Variants in UNK observed in about 807,000 individuals in gnomAD.
The protein encoded by UNK is RING finger protein unkempt homolog.
A neutral mutation model predicts 97.6 loss-of-function variants in UNK; 32 were observed. That is an observed-to-expected ratio of 0.33 (90% CI 0.25 to 0.44). The LOEUF (loss-of-function observed/expected upper bound fraction) is 0.44, where lower values mean the gene tolerates loss of function less well. UNK is among the 20% of genes least tolerant of loss of function. The pLI is 1.00. For synonymous variants in UNK, 441 were observed against 461.2 expected, an observed-to-expected ratio of 0.96 and a Z score of 0.56; for missense variants, 771 against 1,098.4, an observed-to-expected ratio of 0.70 and a Z score of 4.21.
rs936294395 is a variant in UNK at position 75,824,039 on chromosome 17, G to A, written c.2278-223G>A. On this transcript the variant is annotated intron_variant, in intron 15 of 15. Transcript: ENST00000589666. The surrounding 1 kb of genome is among the most constrained non-coding windows in gnomAD (Gnocchi z 4.9). ...ATTACAAGGTCAAATGAGACTGGGC[G>A]AAGCCTCTCTGAGGGGTGGGTCTTG... Among the ~76,000 whole-genome samples the A allele has an allele frequency of 2.6e-5, 4 of 151,744 alleles. No individual in the cohort carries two copies. The highest frequency in any genetic ancestry group is 4.4e-5 in the Non-Finnish European group (3 of 68,010).
chr17:75,798,726 C>T (rs186460807), intron 1 of UNK, among the ~76,000 whole-genome samples: 57 of 151,668 alleles, frequency 3.8e-4, no homozygotes, highest in Middle Eastern at 6.8e-3. Flanking sequence ...TCTGTAGTGG[C>T]TGTGCATGGT....
chr17:75,804,180 G>C (rs961054187), intron 1 of UNK, among the ~76,000 whole-genome samples: 1 of 152,216 alleles, frequency 6.6e-6, no homozygotes. Flanking sequence ...CTGGGTGGGC[G>C]TGGTGGCTTA....
At position 75,810,001 on chromosome 17, in the gene UNK, C is replaced by T. The variant is rs369466434; in HGVS notation, c.314+32C>T. On this transcript the variant is annotated intron_variant, in intron 2 of 15. Coordinates refer to ENST00000589666, the MANE Select transcript of UNK (RefSeq NM_001080419.3). ...GACCCAGCCTGTCCTCAGAGGAGCC[C>T]CGTGTCTCCTTCTGGGTCAGATGCC... 2.0e-4 allele frequency: 328 copies of T among 1,609,732 alleles called. 2 individuals carry two copies. Among genetic ancestry groups the T allele is most frequent in the African/African-American group, 5.2e-4 (39 of 74,990 alleles).
At chr17:75,806,458 G>A (rs1262848268) in intron 1 of UNK, among the ~76,000 whole-genome samples, 9 of 140,406 alleles carry the variant, frequency 6.4e-5, no homozygotes, top group East Asian at 2.2e-4. Flanking sequence ...GGGAGACTCC[G>A]TCTCAAAAAA....
chr17:75,798,882 C>G (rs927747712), intron 1 of UNK, among the ~76,000 whole-genome samples: 1 of 151,718 alleles, frequency 6.6e-6, no homozygotes, highest in Non-Finnish European at 1.5e-5. Context: ...CTGGCTAACA[C>G]AGTGAAACCC....
rs763227592 is a variant in UNK, at chr17:75,816,787, G to A, written c.979G>A (p.Asp327Asn). The change falls in exon 8 of 16, where the codon GAC (aspartate) becomes AAC (asparagine). Residue 327 changes from aspartate (D) to asparagine (N), a missense_variant. Asp to Asn is a conservative substitution (Grantham distance 23). Transcript: ENST00000589666. This position sits in a 1 kb window ranked among gnomAD's most constrained non-coding sequence, Gnocchi z 4.0. ...AHVEQPPLSD[D>N]LQPSSAVSSP... ...TCTTGCAGAGCCACCCCTGAGTGACGACCTGCAGCCTTCCTCAGCTGTGTC... is the reference window on the plus strand; with the variant it reads ...TCTTGCAGAGCCACCCCTGAGTGACAACCTGCAGCCTTCCTCAGCTGTGTC... 5 of 1,604,132 alleles carry A rather than the reference G, an allele frequency of 3.1e-6. No individual in the cohort carries two copies. The highest frequency in any genetic ancestry group is 4.2e-6 in the Non-Finnish European group (5 of 1,179,476).
chr17:75,818,812 C>A lies in UNK; in HGVS notation c.1542C>A (p.Val514=). Residue 514 remains valine (V), a synonymous_variant, in exon 11 of 16, where the codon GTC becomes GTA. Transcript: ENST00000589666. This position sits in a 1 kb window ranked among gnomAD's most constrained non-coding sequence, Gnocchi z 5.1. ...CCACCAGCGACACGGTAGAGTCAGT[C>A]ATAGGTAACTAGGCCATTTCTGTTT... ...FYPTSDTVES[V]IESALDDLDL... is the part of the protein sequence containing the mutation. The A allele has an allele frequency of 1.3e-6, 2 of 1,599,808 alleles. No homozygotes were observed. Among genetic ancestry groups the A allele is most frequent in the East Asian group, 2.3e-5 (1 of 44,374 alleles).
intron 1 of UNK, among the ~76,000 whole-genome samples, chr17:75,798,118 T>TGGAG (rs1332633255): frequency 1.3e-5 from 2 of 151,114 alleles, no homozygotes; most frequent in African/African-American, 2.4e-5. Flanking sequence ...TCACCCAGGC[T>TGGAG]GGAGTGCAAT....
chr17:75,817,524 C>T lies in UNK; in HGVS notation c.1303C>T (p.Gln435Ter). 6.2e-7 allele frequency: 1 copy of T among 1,606,130 alleles called. No individual in the cohort carries two copies. Among genetic ancestry groups the T allele is most frequent in the Non-Finnish European group, 8.5e-7 (1 of 1,175,434 alleles). The change falls in exon 9 of 16, where the codon CAG (glutamine) becomes TAG (stop). Residue 435 changes from glutamine to a stop codon, truncating the protein, a stop_gained and splice_region_variant. Coordinates refer to ENST00000589666, the MANE Select transcript of UNK (RefSeq NM_001080419.3). LOFTEE classifies it high-confidence loss of function. This position sits in a 1 kb window ranked among gnomAD's most constrained non-coding sequence, Gnocchi z 5.8. ...GAEYLKNFKC[Q>*]AKLKPHSLEP... ...CGAGTACCTGAAAAATTTCAAATGC[C>T]AGGTAAGGGATGAGGGAGGCAGCAG...
At chr17:75,822,752 C>T (rs1009850929) in intron 14 of UNK, 94 bp downstream of exon 14, 21 of 1,369,758 alleles carry the variant, frequency 1.5e-5, no homozygotes, top group Middle Eastern at 2.4e-4. Context: ...TGGGGGAAAG[C>T]GGGGGCTGGA....
intron 1 of UNK, chr17:75,793,577 A>G: frequency 4.1e-6 from 4 of 985,404 alleles, no homozygotes; most frequent in Non-Finnish European, 3.6e-6. Context: ...TCTTTAGGAC[A>G]TAAAGAAGAT....
chr17:75,822,553 C>T lies in UNK; in HGVS notation c.1914C>T (p.Phe638=). 1.2e-6 allele frequency: 2 copies of T among 1,613,644 alleles called. No homozygotes were observed. Among genetic ancestry groups the T allele is most frequent in the South Asian group, 1.1e-5 (1 of 91,028 alleles). Residue 638 remains phenylalanine, a synonymous_variant, in exon 14 of 16, where the codon TTC becomes TTT. Coordinates refer to ENST00000589666, the MANE Select transcript of UNK (RefSeq NM_001080419.3). ...TCTCCCCGGGCACTTCCCCCGCTTT[C>T]CTATCAGGGCCAGGGGCTGCCGAGC... ...GSFSPGTSPA[F]LSGPGAAELA...
In UNK at chr17:75,812,438, C is replaced by G. The variant is rs1484215053; in HGVS notation, c.492-17C>G. 2 of 1,607,946 alleles carry G rather than the reference C, an allele frequency of 1.2e-6. No homozygotes were observed. Among genetic ancestry groups the G allele is most frequent in the Admixed American group, 1.7e-5 (1 of 59,478 alleles). On this transcript the variant is annotated splice_polypyrimidine_tract_variant and intron_variant, in intron 3 of 15. Coordinates refer to ENST00000589666, the MANE Select transcript of UNK (RefSeq NM_001080419.3). The stretch of plus-strand genomic sequence containing the variant: ...ATGCCCCCTCTCCACCCTCTCTGTT[C>G]TTTCCTCTCCTCCCAGGGAGCTTCA...
intron 1 of UNK, among the ~76,000 whole-genome samples, chr17:75,803,989 C>T (rs2061887350): frequency 6.6e-6 from 1 of 152,220 alleles, no homozygotes; most frequent in African/African-American, 2.4e-5. Flanking sequence ...ATGTTGATGA[C>T]AGCAAATGTT....
chr17:75,821,877 C>A (rs1175197296), intron 13 of UNK: 2 of 367,522 alleles, frequency 5.4e-6, no homozygotes, highest in South Asian at 2.0e-5. Context: ...AAAGCATAGG[C>A]CTTTGGAACC....
rs1415488277 is a variant in UNK, at chr17:75,785,140, C to G, written c.104+156C>G. 9.3e-6 allele frequency: 5 copies of G among 535,368 alleles called. No homozygotes were observed. In the East Asian group the frequency reaches 1.7e-4, roughly 18 times the overall value. 33.2% of individuals were successfully genotyped at this position (535,368 alleles called of 1,614,324 possible). ...GGTTCCAACCTGCTGGGGCCGGTCCCAACTGCCTCCAACTGCCACCAACCT... is the reference window on the plus strand; with the variant it reads ...GGTTCCAACCTGCTGGGGCCGGTCCGAACTGCCTCCAACTGCCACCAACCT... On this transcript the variant is annotated intron_variant, in intron 1 of 15. Coordinates refer to ENST00000589666, the MANE Select transcript of UNK (RefSeq NM_001080419.3).
intron 14 of UNK, 89 bp downstream of exon 14, chr17:75,822,747 GA>G: frequency 7.2e-7 from 1 of 1,380,566 alleles, no homozygotes; most frequent in Non-Finnish European, 9.5e-7. Flanking sequence ...TGGGGTGGGG[GA>G]AAGCGGGGGC....
intron 1 of UNK, among the ~76,000 whole-genome samples, chr17:75,796,725 A>G (rs2061809026): frequency 6.6e-6 from 1 of 152,230 alleles, no homozygotes; most frequent in Non-Finnish European, 1.5e-5. Flanking sequence ...ATATCCTTAT[A>G]AATATGGAAT....
intron 1 of UNK, among the ~76,000 whole-genome samples, chr17:75,801,156 A>G (rs967390472): frequency 1.3e-5 from 2 of 149,796 alleles, no homozygotes; most frequent in Non-Finnish European, 3.0e-5. Flanking sequence ...GCCCGCCTCG[A>G]CCTCCCAAAG....
Sources: allele counts gnomAD v4.1 joint callset (sites outside exome capture counted in the v4.1 genomes callset), GRCh38; gene constraint gnomAD v4.1.1; non-coding constraint Gnocchi (gnomAD v3.1); transcripts MANE v1.5; gene names NCBI Gene and HGNC (gene_info 2026-07-23, HGNC 2026-07-21).